Variants in PCMT1 observed in about 807,000 individuals in gnomAD.
PCMT1 encodes protein-L-isoaspartate (D-aspartate) O-methyltransferase, also known as protein-L-isoaspartate(D-aspartate) O-methyltransferase.
Under a neutral mutation model 29.2 loss-of-function variants are expected in PCMT1, and 9 were observed. That is an observed-to-expected ratio of 0.31 (90% CI 0.19 to 0.54). The LOEUF is 0.54. Ranked by LOEUF, PCMT1 falls within the 20% of genes least tolerant of loss-of-function variation. PCMT1 has a pLI of 0.95. For synonymous variants in PCMT1, 98 were observed against 97.5 expected (o/e 1.00, Z -0.03); for missense variants, 184 against 282.2 (o/e 0.65, Z 2.49).
intron 7 of PCMT1, among the ~76,000 whole-genome samples, chr6:149,808,718 C>A (rs1206656521): frequency 6.6e-6 from 1 of 151,854 alleles, no homozygotes; most frequent in Non-Finnish European, 1.5e-5. Flanking sequence ...CTTGCTGCAA[C>A]CTCCGCCTCC....
intron 1 of PCMT1, among the ~76,000 whole-genome samples, chr6:149,764,432 C>G (rs1189805039): frequency 1.3e-5 from 2 of 152,070 alleles, no homozygotes; most frequent in African/African-American, 4.8e-5. Context: ...GCTATTATTA[C>G]TCTGCTTTTA....
At chr6:149,777,871 T>C (rs1787640044) in intron 3 of PCMT1, among the ~76,000 whole-genome samples, 1 of 138,334 alleles carries the variant, frequency 7.2e-6, no homozygotes. Flanking sequence ...TTTCCTTCTT[T>C]TCTTCTTTTT....
At chr6:149,769,920 A>G (rs1176998951) in intron 1 of PCMT1, among the ~76,000 whole-genome samples, 1 of 151,788 alleles carries the variant, frequency 6.6e-6, no homozygotes, top group Non-Finnish European at 1.5e-5. Context: ...ATTGTTGGGG[A>G]AGGCAAATAT....
rs539885843 is a variant in PCMT1, at chr6:149,749,866, A to C, written c.-36A>C. 3 of 1,601,094 alleles carry C rather than the reference A, an allele frequency of 1.9e-6. No individual in the cohort carries two copies. The highest frequency in any genetic ancestry group is 1.1e-5 in the South Asian group (1 of 89,076). On this transcript the variant is annotated 5_prime_UTR_variant, in exon 1 of 8. Coordinates refer to ENST00000464889, the MANE Select transcript of PCMT1 (RefSeq NM_001360452.2). ...ACTGCTGGGCACCGTCGTCGCGCTG[A>C]AGGTGGTTCTGTACCTGCTCCGAGT...
At chr6:149,776,914 A>G (rs1454260491) in intron 3 of PCMT1, among the ~76,000 whole-genome samples, 1 of 152,156 alleles carries the variant, frequency 6.6e-6, no homozygotes, top group Non-Finnish European at 1.5e-5. Flanking sequence ...ATGTGAAATA[A>G]ATATAACTTA....
rs1468013489 is a variant in PCMT1 at position 149,763,286 on chromosome 6, T to G, written c.56-7876T>G. Among the ~76,000 whole-genome samples, 3 of 116,500 alleles carry G rather than the reference T, an allele frequency of 2.6e-5. 1 individual carries two copies. Among genetic ancestry groups the G allele is most frequent in the Non-Finnish European group, 5.1e-5 (3 of 58,384 alleles). 76.4% of individuals were successfully genotyped at this position (116,500 alleles called of 152,430 possible). A position where few individuals can be genotyped will look rare whatever the true frequency, so the allele number is the denominator to read the frequency against. On this transcript the variant is annotated intron_variant, in intron 1 of 7. Transcript: ENST00000464889. ...ATCTATGATATAAATATCTATGATA[T>G]CTATGATATATATATCTATGATATA...
At chr6:149,757,409 AATATT>A (rs1325040572) in intron 1 of PCMT1, among the ~76,000 whole-genome samples, 1 of 152,140 alleles carries the variant, frequency 6.6e-6, no homozygotes, top group Non-Finnish European at 1.5e-5. Flanking sequence ...TATTTTTATT[AATATT>A]ATATTTAGCT....
chr6:149,793,544 T>C lies in PCMT1; in HGVS notation c.298-5T>C, dbSNP rs1788469923. Reference sequence around the variant, plus strand: ...TGAGCTACTGAATTGTTTTCTCTTTTCCAGGTTGGATGTACTGGAAAAGTC... The same window carrying C: ...TGAGCTACTGAATTGTTTTCTCTTTCCCAGGTTGGATGTACTGGAAAAGTC... On this transcript the variant is annotated splice_region_variant and splice_polypyrimidine_tract_variant and intron_variant, in intron 4 of 7. Transcript: ENST00000464889. 3.4e-6 allele frequency: 5 copies of C among 1,461,054 alleles called. No individual in the cohort carries two copies. The highest frequency in any genetic ancestry group is 3.6e-6 in the Non-Finnish European group (4 of 1,109,058). The allele number at this position is 1,461,054 out of a possible 1,614,324, so 90.5% of individuals were successfully genotyped here. A position where few individuals can be genotyped will look rare whatever the true frequency, so the allele number is the denominator to read the frequency against.
rs1187588957 is a variant in PCMT1, at chr6:149,750,123, C to G, written c.55+167C>G. 1.2e-5 allele frequency: 11 copies of G among 936,358 alleles called. No individual in the cohort carries two copies. In the Admixed American group the frequency reaches 3.0e-4, roughly 25 times the overall value. 58.0% of individuals were successfully genotyped at this position (936,358 alleles called of 1,614,324 possible). A position where few individuals can be genotyped will look rare whatever the true frequency, so the allele number is the denominator to read the frequency against. On this transcript the variant is annotated intron_variant, in intron 1 of 7. Coordinates refer to ENST00000464889, the MANE Select transcript of PCMT1 (RefSeq NM_001360452.2). ...ACGGCGTGCGCTTGCAGTCGCCTCC[C>G]TCGGGACCTGTCACTCGTCGACGAC...
chr6:149,796,006 G>T, intron 5 of PCMT1: 1 of 176,970 alleles, frequency 5.7e-6, no homozygotes, highest in Admixed American at 5.9e-5. Flanking sequence ...TCTGTTCACA[G>T]ATATTTATTT....
At chr6:149,760,513 A>C (rs1441706381) in intron 1 of PCMT1, among the ~76,000 whole-genome samples, 1 of 152,096 alleles carries the variant, frequency 6.6e-6, no homozygotes, top group East Asian at 1.9e-4. Context: ...TCTTCCAGCC[A>C]ATGGGGAGGT....
Position 149,796,399 on chromosome 6 carries a change from G to A in PCMT1, c.419-16G>A. 1 of 1,592,018 alleles carries A rather than the reference G, an allele frequency of 6.3e-7. No homozygotes were observed. Among genetic ancestry groups the A allele is most frequent in the African/African-American group, 1.3e-5 (1 of 74,354 alleles). On this transcript the variant is annotated splice_polypyrimidine_tract_variant and intron_variant, in intron 5 of 7. Transcript: ENST00000464889. ...GATCTAAACAGGTTTTTAAAGCATA[G>A]CTGTTTTTCTTTCAGTGGGGGATGG... is the stretch of plus-strand genomic sequence containing the variant.
chr6:149,763,064 T>TATGATATATCTATG (rs1433883799), intron 1 of PCMT1, among the ~76,000 whole-genome samples: 1 of 67,624 alleles, frequency 1.5e-5, no homozygotes, highest in Non-Finnish European at 2.1e-5. Flanking sequence ...CTATGATATA[T>TATGATATATCTATG]ATATCTATGA....
chr6:149,769,142 G>A lies in PCMT1; in HGVS notation c.56-2020G>A, dbSNP rs1308176169. Among the ~76,000 whole-genome samples, 5 of 151,790 alleles carry A rather than the reference G, an allele frequency of 3.3e-5. No homozygotes were observed. In the East Asian group the frequency reaches 9.7e-4, roughly 29 times the overall value. On this transcript the variant is annotated intron_variant, in intron 1 of 7. Coordinates refer to ENST00000464889, the MANE Select transcript of PCMT1 (RefSeq NM_001360452.2). ...TTTCTTTTTACATTAGATTTGAATG[G>A]CATTGGTTTGATTGGTTTTTTTCTT...
chr6:149,794,348 G>A (rs554101069), intron 5 of PCMT1, among the ~76,000 whole-genome samples: 91 of 152,220 alleles, frequency 6.0e-4, no homozygotes, highest in African/African-American at 1.9e-3. Context: ...GGCCAGGAGC[G>A]GTGGCTCACA....
chr6:149,755,302 C>T (rs1786464641), intron 1 of PCMT1, among the ~76,000 whole-genome samples: 1 of 152,056 alleles, frequency 6.6e-6, no homozygotes, highest in Non-Finnish European at 1.5e-5. Flanking sequence ...CCTGTAGTCT[C>T]AGCTACATGA....
At chr6:149,770,751 C>A (rs373681896) in intron 1 of PCMT1, among the ~76,000 whole-genome samples, 18 of 148,684 alleles carry the variant, frequency 1.2e-4, no homozygotes, top group African/African-American at 3.5e-4. Context: ...CACCTGTAAT[C>A]CCAGTGCTTT....
chr6:149,795,543 G>T, intron 5 of PCMT1: 1 of 484,824 alleles, frequency 2.1e-6, no homozygotes, highest in Non-Finnish European at 3.8e-6. Context: ...ATGTTTGTTT[G>T]GATCTGGCCG....
At chr6:149,786,704 C>T (rs1237666959) in intron 3 of PCMT1, among the ~76,000 whole-genome samples, 1 of 150,942 alleles carries the variant, frequency 6.6e-6, no homozygotes, top group African/African-American at 2.4e-5. Context: ...AGGCGCTCCT[C>T]ACATCCCAGA....
Sources: allele counts gnomAD v4.1 joint callset (sites outside exome capture counted in the v4.1 genomes callset), GRCh38; gene constraint gnomAD v4.1.1; transcripts MANE v1.5; gene names NCBI Gene and HGNC (gene_info 2026-07-23, HGNC 2026-07-21).